ELP1: variants seen among roughly 807,000 people sequenced by gnomAD.
ELP1 encodes the protein elongator acetyltransferase complex subunit 1.
A neutral mutation model predicts 183.2 loss-of-function variants in ELP1; 131 were observed. The ratio of observed to expected loss-of-function variants is 0.72; its 90% CI spans 0.62 to 0.83. The LOEUF (loss-of-function observed/expected upper bound fraction) is 0.83, where lower values mean the gene tolerates loss of function less well. Among genes scored for constraint, ELP1 ranks in the 40% least tolerant of loss-of-function variants. The probability of loss-of-function intolerance (pLI) is 0.00; values close to 1 mark genes in which losing one functional copy is unlikely to be tolerated. For missense variants in ELP1, 1,550 were observed against 1,594.9 expected (o/e 0.97, Z 0.48); for synonymous variants, 555 against 569.0 (o/e 0.98, Z 0.35).
At chr9:108,902,253 G>A (rs531207738) in intron 16 of ELP1, among the ~76,000 whole-genome samples, 11 of 152,048 alleles carry the variant, frequency 7.2e-5, no homozygotes, top group African/African-American at 9.6e-5. Flanking sequence ...CACTGCCTCC[G>A]AGAGGCCTTC....
At chr9:108,925,142 C>T (rs1829787076) in intron 5 of ELP1, among the ~76,000 whole-genome samples, 2 of 152,110 alleles carry the variant, frequency 1.3e-5, no homozygotes, top group South Asian at 4.1e-4. Context: ...CCCTGCCTCT[C>T]ATCTCTTCCC....
chr9:108,930,205 C>T (rs1271147010), intron 2 of ELP1, among the ~76,000 whole-genome samples: 3 of 152,120 alleles, frequency 2.0e-5, no homozygotes, highest in African/African-American at 7.2e-5. Flanking sequence ...AATAGCTATG[C>T]TTTTCTAAGA....
At position 108,878,804 on chromosome 9, in the gene ELP1, G is replaced by A. The variant is rs1011957779; in HGVS notation, c.3573-54C>T. On this transcript the variant is annotated intron_variant, in intron 33 of 36. Transcript: ENST00000374647. ...GCCTCCTGAGTAGCTAGGACTACAG[G>A]CATGTGCTACCTTGCCTGGCTACTT... 14 of 1,599,318 alleles carry A rather than the reference G, an allele frequency of 8.8e-6. No individual in the cohort carries two copies. In the African/African-American group the frequency reaches 1.1e-4, roughly 12 times the overall value.
chr9:108,903,820 ACT>A, intron 14 of ELP1, 151 bp from the exon 15 acceptor site: 1 of 604,192 alleles, frequency 1.7e-6, no homozygotes, highest in Non-Finnish European at 2.9e-6. Flanking sequence ...CACACCCAAT[ACT>A]ATACACACAC....
At chr9:108,887,573 T>C (rs569208276) in intron 29 of ELP1, among the ~76,000 whole-genome samples, 13 of 152,166 alleles carry the variant, frequency 8.5e-5, no homozygotes, top group African/African-American at 3.1e-4. Context: ...AATAAAACAT[T>C]AGAAAATGAA....
In ELP1 at chr9:108,889,358, C is replaced by A; in HGVS notation, c.3196G>T (p.Ala1066Ser). 2 of 1,614,148 alleles carry A rather than the reference C, an allele frequency of 1.2e-6. No individual in the cohort carries two copies. The highest frequency in any genetic ancestry group is 1.7e-6 in the Non-Finnish European group (2 of 1,179,974). The change falls in exon 29 of 37, where the codon GCC (alanine) becomes TCC (serine). Residue 1066 changes from alanine to serine, a missense_variant. Ala to Ser is a moderately conservative substitution (Grantham distance 99). Coordinates refer to ENST00000374647, the MANE Select transcript of ELP1 (RefSeq NM_003640.5). The stretch of plus-strand genomic sequence containing the variant: ...TGGGCACACTCTTCCAAAACCATGG[C>A]CGCATCAATGTGCTTCCTCTGCTCA... ...LVEQRKHIDA[A>S]MVLEECAQDY... is the part of the protein sequence containing the mutation.
rs1538660 is a variant in ELP1 at position 108,879,545 on chromosome 9, G to A, written c.3473C>T (p.Pro1158Leu). The A allele has an allele frequency of 0.18, 291,371 of 1,611,346 alleles. 28,307 individuals are homozygous for A. The highest frequency in any genetic ancestry group is 0.32 in the African/African-American group (23,969 of 74,850). Residue 1158 changes from proline (P) to leucine (L), a missense_variant, in exon 33 of 37, where the codon CCC becomes CTC. By Grantham distance (98) the Pro-to-Leu change is moderately conservative (BLOSUM62 -3). Transcript: ENST00000374647. ...GAAGAGGTCTGACTCTTGCCCGTGGGGTACCTCATCATCTAGAAAAGAAGA... is the reference window on the plus strand; with the variant it reads ...GAAGAGGTCTGACTCTTGCCCGTGGAGTACCTCATCATCTAGAAAAGAAGA... The part of the protein sequence containing the change: ...AQQAGLDDEV[P>L]HGQESDLFSE...
In ELP1 at chr9:108,868,312, C is replaced by T. The variant is rs917208127; in HGVS notation, c.*803G>A. On this transcript the variant is annotated 3_prime_UTR_variant, in exon 37 of 37. Coordinates refer to ENST00000374647, the MANE Select transcript of ELP1 (RefSeq NM_003640.5). ...GAATAAAGAGAAGTCAGTAAAGTAC[C>T]ATGACGAAAAATAAATGAAGTGGCC... The T allele has an allele frequency of 5.0e-5, 8 of 159,028 alleles. No homozygotes were observed. Among genetic ancestry groups the T allele is most frequent in the African/African-American group, 1.7e-4 (7 of 41,736 alleles). 9.9% of individuals were successfully genotyped at this position (159,028 alleles called of 1,614,324 possible).
chr9:108,910,558 T>C lies in ELP1; in HGVS notation c.1360+452A>G, dbSNP rs555287215. Among the ~76,000 whole-genome samples, 23 of 152,306 alleles carry C rather than the reference T, an allele frequency of 1.5e-4. 1 individual carries two copies. The South Asian group carries it at 4.6e-3, about 30-fold the overall frequency. On this transcript the variant is annotated intron_variant, in intron 12 of 36. Transcript: ENST00000374647. ...AGTGGATTAGGAGCTAGAACACCTG[T>C]GTTGAGGTCCTTGTCCATTCTTGTT...
chr9:108,891,116 C>G, intron 28 of ELP1, 87 bp downstream of exon 28: 1 of 1,279,284 alleles, frequency 7.8e-7, no homozygotes. Flanking sequence ...AGTATTCTGC[C>G]CTAAATTTAT....
intron 35 of ELP1, among the ~76,000 whole-genome samples, chr9:108,875,471 C>T (rs1204638289): frequency 6.6e-6 from 1 of 152,262 alleles, no homozygotes; most frequent in Non-Finnish European, 1.5e-5. Context: ...CCTCTGGGCA[C>T]ACCCCTGGTT....
intron 2 of ELP1, 37 bp from the exon 3 acceptor site, chr9:108,929,958 C>G (rs770379496): frequency 8.1e-6 from 13 of 1,606,686 alleles, no homozygotes; most frequent in Non-Finnish European, 1.0e-5. Flanking sequence ...TTAACCCAGT[C>G]TACTTTCAAG....
At chr9:108,923,915 G>A (rs1304044497) in intron 5 of ELP1, among the ~76,000 whole-genome samples, 2 of 152,198 alleles carry the variant, frequency 1.3e-5, no homozygotes, top group Admixed American at 6.5e-5. Flanking sequence ...TCCTGCCATT[G>A]ATTCTGATTC....
intron 13 of ELP1, among the ~76,000 whole-genome samples, chr9:108,907,685 A>T (rs577498254): frequency 6.6e-6 from 1 of 152,272 alleles, no homozygotes; most frequent in East Asian, 1.9e-4. Flanking sequence ...TAAGTTACCT[A>T]ACCTCTACAC....
chr9:108,882,630 T>C (rs1212403043), intron 29 of ELP1, among the ~76,000 whole-genome samples: 2 of 150,364 alleles, frequency 1.3e-5, no homozygotes, highest in Non-Finnish European at 1.5e-5. Flanking sequence ...GGTCTCACTC[T>C]GTCGCCCAGG....
At chr9:108,905,926 A>T (rs143782141) in intron 14 of ELP1, among the ~76,000 whole-genome samples, 1 of 152,038 alleles carries the variant, frequency 6.6e-6, no homozygotes, top group East Asian at 1.9e-4. Flanking sequence ...CATTTATACA[A>T]AATTTCTTCC....
intron 10 of ELP1, 115 bp downstream of exon 10, chr9:108,916,089 C>A (rs1156724838): frequency 4.8e-6 from 4 of 837,064 alleles, no homozygotes; most frequent in Non-Finnish European, 8.4e-6. Context: ...CTACCCACTT[C>A]AGCATCTTTG....
intron 10 of ELP1, 108 bp from the exon 11 acceptor site, chr9:108,912,602 G>T: frequency 1.3e-6 from 1 of 761,718 alleles, no homozygotes. Flanking sequence ...GACCCTTCCT[G>T]CTCAGCCTCG....
chr9:108,922,133 C>T (rs1439657772), intron 6 of ELP1, among the ~76,000 whole-genome samples: 1 of 152,172 alleles, frequency 6.6e-6, no homozygotes, highest in Non-Finnish European at 1.5e-5. Context: ...AAATATGGCA[C>T]ATCTTCTTGG....
Sources: gnomAD v4.1 joint callset for allele counts (sites outside exome capture counted in the v4.1 genomes callset) on GRCh38, gnomAD v4.1.1 for gene constraint, MANE v1.5 for transcripts, NCBI Gene and HGNC (gene_info 2026-07-23, HGNC 2026-07-21) for gene names.